The following SPIRE1 variants were observed in gnomAD, a reference collection of about 807,000 sequenced individuals.
SPIRE1 encodes the protein protein spire homolog 1.
Under a neutral mutation model 94.1 loss-of-function variants are expected in SPIRE1, and 40 were observed. The ratio of observed to expected loss-of-function variants is 0.43; its 90% confidence interval spans 0.33 to 0.55. The LOEUF is 0.55. SPIRE1 is among the 20% of genes least tolerant of loss of function. The pLI, the probability that SPIRE1 is intolerant of heterozygous loss-of-function variation, is 0.06. For synonymous variants in SPIRE1, 376 were observed against 371.7 expected, an observed-to-expected ratio of 1.01 and a Z score of -0.13; for missense variants, 838 against 975.2, an observed-to-expected ratio of 0.86 and a Z score of 1.87.
At chr18:12,504,789 G>GA (rs1341381325) in intron 6 of SPIRE1, among the ~76,000 whole-genome samples, 2 of 152,186 alleles carry the variant, frequency 1.3e-5, no homozygotes, top group Non-Finnish European at 2.9e-5. Context: ...TAAAGAGATG[G>GA]AGAAGACTTT....
intron 9 of SPIRE1, 60 bp downstream of exon 9, chr18:12,485,899 T>C: frequency 3.3e-6 from 4 of 1,228,500 alleles, no homozygotes; most frequent in Non-Finnish European, 4.6e-6. Flanking sequence ...ATGAATGAAA[T>C]GTATTTCACA....
At chr18:12,571,236 G>A (rs981738994) in intron 2 of SPIRE1, among the ~76,000 whole-genome samples, 2 of 151,902 alleles carry the variant, frequency 1.3e-5, no homozygotes, top group East Asian at 1.9e-4. Context: ...CACTACGCTC[G>A]GCTAATTTTT....
chr18:12,594,308 A>G (rs552781298), intron 2 of SPIRE1, among the ~76,000 whole-genome samples: 16 of 152,352 alleles, frequency 1.1e-4, no homozygotes, highest in African/African-American at 3.8e-4. Flanking sequence ...TTATTAAATG[A>G]ATAAACAGCC....
chr18:12,582,250 A>G (rs2036275556), intron 2 of SPIRE1, among the ~76,000 whole-genome samples: 1 of 152,198 alleles, frequency 6.6e-6, no homozygotes, highest in Non-Finnish European at 1.5e-5. Flanking sequence ...GTTATTTCCA[A>G]TTATTTATAT....
At chr18:12,571,761 T>C (rs2035965515) in intron 2 of SPIRE1, among the ~76,000 whole-genome samples, 1 of 152,232 alleles carries the variant, frequency 6.6e-6, no homozygotes, top group African/African-American at 2.4e-5. Context: ...CATAGTTCCC[T>C]TCATTAATTC....
At chr18:12,630,743 C>A (rs1173602526) in intron 2 of SPIRE1, among the ~76,000 whole-genome samples, 1 of 152,160 alleles carries the variant, frequency 6.6e-6, no homozygotes, top group Admixed American at 6.5e-5. Context: ...GCCCCATGAG[C>A]TGAGCCTGGG....
chr18:12,496,992 TAGG>T (rs1332425295), intron 6 of SPIRE1, among the ~76,000 whole-genome samples: 4 of 152,012 alleles, frequency 2.6e-5, no homozygotes, highest in Non-Finnish European at 4.4e-5. Flanking sequence ...CGCTTGAACC[TAGG>T]AGGAGGAGGT....
chr18:12,655,003 G>A (rs1359983113), intron 1 of SPIRE1, among the ~76,000 whole-genome samples: 2 of 151,104 alleles, frequency 1.3e-5, no homozygotes, highest in South Asian at 2.1e-4. Context: ...ACTCCAGCCT[G>A]GCAACAGAGG....
rs202138776 is a variant in SPIRE1, at chr18:12,501,004, G to A, written c.973-4902C>T. Among the ~76,000 whole-genome samples, 119 of 148,854 alleles carry A rather than the reference G, an allele frequency of 8.0e-4. 1 individual carries two copies. In the East Asian group the frequency reaches 0.017, roughly 21 times the overall value. ...GGAGAATGGCTTGAACCCTGGAGGC[G>A]GAGGTTGCAGCGAGCCGAGATCACG... On this transcript the variant is annotated intron_variant, in intron 6 of 16. Coordinates refer to ENST00000409402, the MANE Select transcript of SPIRE1 (RefSeq NM_001128626.2).
At chr18:12,539,123 G>A (rs1196522221) in intron 3 of SPIRE1, among the ~76,000 whole-genome samples, 3 of 152,140 alleles carry the variant, frequency 2.0e-5, no homozygotes, top group Non-Finnish European at 2.9e-5. Context: ...TGCCAACTAC[G>A]TACCAGGCAC....
chr18:12,645,935 G>A (rs192944894), intron 1 of SPIRE1, among the ~76,000 whole-genome samples: 11 of 152,214 alleles, frequency 7.2e-5, no homozygotes, highest in African/African-American at 2.6e-4. Flanking sequence ...CCACTACAAA[G>A]AAGACAAACA....
intron 2 of SPIRE1, among the ~76,000 whole-genome samples, chr18:12,612,213 C>T (rs529203732): frequency 6.6e-6 from 1 of 152,308 alleles, no homozygotes; most frequent in Admixed American, 6.5e-5. Context: ...AGATTTCACA[C>T]GGTTGATCAC....
intron 1 of SPIRE1, among the ~76,000 whole-genome samples, chr18:12,643,088 G>A (rs1311436233): frequency 6.6e-6 from 1 of 151,978 alleles, no homozygotes; most frequent in Admixed American, 6.6e-5. Context: ...ATGTAGTAAA[G>A]GATAAATAGC....
chr18:12,498,017 C>A (rs1472283212), intron 6 of SPIRE1, among the ~76,000 whole-genome samples: 1 of 152,168 alleles, frequency 6.6e-6, no homozygotes, highest in Non-Finnish European at 1.5e-5. Context: ...CCATTATGGA[C>A]CTAAGTCAGT....
At chr18:12,588,453 T>C (rs2036445019) in intron 2 of SPIRE1, 1 of 152,196 alleles carries the variant, frequency 6.6e-6, no homozygotes, top group East Asian at 1.9e-4. Flanking sequence ...ATTACATGTT[T>C]AAATAGTAGA....
At chr18:12,655,366 C>A (rs2038511281) in intron 1 of SPIRE1, among the ~76,000 whole-genome samples, 1 of 152,192 alleles carries the variant, frequency 6.6e-6, no homozygotes, top group Non-Finnish European at 1.5e-5. Flanking sequence ...AAGATAAAAT[C>A]TTCAGAAGAC....
intron 2 of SPIRE1, among the ~76,000 whole-genome samples, chr18:12,551,530 T>C (rs377171787): frequency 3.0e-4 from 45 of 152,156 alleles, no homozygotes; most frequent in African/African-American, 1.0e-3. Context: ...AGAAACCCTG[T>C]GTCTACTAAA....
At chr18:12,629,241 T>G (rs540062066) in intron 2 of SPIRE1, among the ~76,000 whole-genome samples, 21 of 152,190 alleles carry the variant, frequency 1.4e-4, no homozygotes, top group Non-Finnish European at 2.8e-4. Flanking sequence ...TGATGAAATT[T>G]GGAAAGCTGG....
At chr18:12,661,909 T>A (rs1473106474), upstream of SPIRE1, 4 of 180,518 alleles carry the variant, frequency 2.2e-5, no homozygotes, top group African/African-American at 9.5e-5. Flanking sequence ...AATCAACATT[T>A]AAATGTCTTT....
Sources: gnomAD v4.1 joint callset for allele counts (sites outside exome capture counted in the v4.1 genomes callset) on GRCh38, gnomAD v4.1.1 for gene constraint, MANE v1.5 for transcripts, NCBI Gene and HGNC (gene_info 2026-07-23, HGNC 2026-07-21) for gene names.